Variants in PRR16 observed in about 807,000 individuals in gnomAD.
The protein encoded by PRR16 is proline rich 16, also known as protein Largen.
Under a neutral mutation model 18.2 loss-of-function variants are expected in PRR16, and 6 were observed. The observed-to-expected ratio is 0.33, with a 90% CI of 0.18 to 0.65. The LOEUF (loss-of-function observed/expected upper bound fraction) is 0.65, where lower values mean the gene tolerates loss of function less well. Among genes scored for constraint, PRR16 ranks in the 30% least tolerant of loss-of-function variants. PRR16 has a pLI of 0.74. For missense variants in PRR16, 412 were observed against 376.6 expected (o/e 1.09, Z -0.78); for synonymous variants, 151 against 147.8 (o/e 1.02, Z -0.16).
intron 1 of PRR16, among the ~76,000 whole-genome samples, chr5:120,673,957 GA>G (rs5870917): frequency 2.1e-5 from 3 of 145,968 alleles, no homozygotes; most frequent in African/African-American, 5.0e-5. Flanking sequence ...CTTTCTCAAA[GA>G]AAAAAAAAAA....
At chr5:120,586,459 C>G (rs1753446702) in intron 1 of PRR16, among the ~76,000 whole-genome samples, 1 of 152,062 alleles carries the variant, frequency 6.6e-6, no homozygotes, top group Non-Finnish European at 1.5e-5. Context: ...TGTGGCAACC[C>G]TGTGTCTAGC....
chr5:120,477,214 A>T (rs1749469793), intron 1 of PRR16, among the ~76,000 whole-genome samples: 1 of 151,988 alleles, frequency 6.6e-6, no homozygotes, highest in African/African-American at 2.4e-5. Flanking sequence ...TGTATCTCCA[A>T]CCCAAACCTT....
intron 1 of PRR16, among the ~76,000 whole-genome samples, chr5:120,634,793 GCAA>G (rs997670294): frequency 3.3e-5 from 5 of 151,876 alleles, no homozygotes; most frequent in African/African-American, 1.2e-4. Context: ...TGAAGCAACA[GCAA>G]CAACAAAAAT....
At chr5:120,627,423 C>T (rs1754903769) in intron 1 of PRR16, among the ~76,000 whole-genome samples, 1 of 151,962 alleles carries the variant, frequency 6.6e-6, no homozygotes, top group Non-Finnish European at 1.5e-5. Flanking sequence ...CTTTTGGCAG[C>T]ATATAGTAAA....
chr5:120,488,535 CTCTTT>C (rs1481671116), intron 1 of PRR16, among the ~76,000 whole-genome samples: 1 of 152,100 alleles, frequency 6.6e-6, no homozygotes, highest in Non-Finnish European at 1.5e-5. Flanking sequence ...TGATTCTTCT[CTCTTT>C]TCTTCTTTAT....
chr5:120,720,739 G>T, the PRR16 span, among the ~76,000 whole-genome samples: 41 of 152,144 alleles, frequency 2.7e-4, 1 homozygote, highest in Non-Finnish European at 4.4e-4. Flanking sequence ...ATATTTGTAT[G>T]TGTGTTCTAT....
chr5:120,733,012 A>G, the PRR16 span, among the ~76,000 whole-genome samples: 53 of 152,296 alleles, frequency 3.5e-4, no homozygotes, highest in African/African-American at 1.2e-3. Flanking sequence ...AACCTGACAA[A>G]ATGGAATGGA....
chr5:120,496,372 T>G (rs1434315009), intron 1 of PRR16, among the ~76,000 whole-genome samples: 1 of 152,128 alleles, frequency 6.6e-6, no homozygotes, highest in Non-Finnish European at 1.5e-5. Flanking sequence ...AATTATTAAT[T>G]CAATTTCCAT....
chr5:120,510,995 A>G (rs1750808532), intron 1 of PRR16, among the ~76,000 whole-genome samples: 1 of 152,198 alleles, frequency 6.6e-6, no homozygotes, highest in Non-Finnish European at 1.5e-5. Context: ...CAGCTTTGCC[A>G]TCTCAGAAAC....
At chr5:120,518,087 A>G (rs1258200628) in intron 1 of PRR16, among the ~76,000 whole-genome samples, 2 of 152,174 alleles carry the variant, frequency 1.3e-5, no homozygotes, top group African/African-American at 2.4e-5. Context: ...TCAGATGTCT[A>G]TGACCCGGAC....
chr5:120,531,717 A>G (rs1333448219), intron 1 of PRR16, among the ~76,000 whole-genome samples: 1 of 152,122 alleles, frequency 6.6e-6, no homozygotes, highest in Non-Finnish European at 1.5e-5. Flanking sequence ...CTAGATTGGC[A>G]TGCATTTGAT....
the PRR16 span, among the ~76,000 whole-genome samples, chr5:120,779,792 A>G: frequency 2.6e-5 from 4 of 152,168 alleles, no homozygotes; most frequent in Non-Finnish European, 5.9e-5. Context: ...ATTTCTTGGC[A>G]TATCTGCTAC....
chr5:120,715,459 G>A, the PRR16 span, among the ~76,000 whole-genome samples: 8 of 152,046 alleles, frequency 5.3e-5, no homozygotes, highest in African/African-American at 1.9e-4. Flanking sequence ...TGCTTCACAG[G>A]TGCATTCAAA....
intron 1 of PRR16, among the ~76,000 whole-genome samples, chr5:120,520,181 A>G (rs1392497892): frequency 6.6e-6 from 1 of 152,182 alleles, no homozygotes; most frequent in African/African-American, 2.4e-5. Context: ...GGATCACTTG[A>G]TGTCAGGCGT....
At chr5:120,638,877 T>C (rs1040077906) in intron 1 of PRR16, among the ~76,000 whole-genome samples, 10 of 152,112 alleles carry the variant, frequency 6.6e-5, no homozygotes, top group Admixed American at 3.3e-4. Flanking sequence ...CCCAATATAA[T>C]GAATCATCTA....
intron 1 of PRR16, among the ~76,000 whole-genome samples, chr5:120,623,824 G>T (rs190989288): frequency 6.6e-6 from 1 of 151,958 alleles, no homozygotes; most frequent in African/African-American, 2.4e-5. Flanking sequence ...AGTTAAATAC[G>T]TTTAGTCAGG....
At chr5:120,558,764 A>G (rs896792009) in intron 1 of PRR16, among the ~76,000 whole-genome samples, 1 of 151,980 alleles carries the variant, frequency 6.6e-6, no homozygotes, top group South Asian at 2.1e-4. Context: ...ATTCCCACCA[A>G]CAGTGTACCA....
rs149193567 is a variant in PRR16 at position 120,604,695 on chromosome 5, T to C, written c.160-81259T>C. On this transcript the variant is annotated intron_variant, in intron 1 of 1. Coordinates refer to ENST00000407149, the MANE Select transcript of PRR16 (RefSeq NM_001300783.2). ...TGTGGTGGAAGTTTCTGTGTTTAAC[T>C]CTCCCTTAAGGACCTCTTGTAAGGC... is the stretch of plus-strand genomic sequence containing the variant. 4.5e-4 allele frequency among the ~76,000 whole-genome samples: 68 copies of C among 152,250 alleles called. No homozygotes were observed. The East Asian group carries it at 0.012, about 26-fold the overall frequency.
intron 1 of PRR16, among the ~76,000 whole-genome samples, chr5:120,645,392 C>A (rs1755556825): frequency 6.7e-6 from 1 of 149,272 alleles, no homozygotes. Context: ...ATCCCCCCCC[C>A]ACACACACAC....
Sources: allele counts gnomAD v4.1 joint callset (sites outside exome capture counted in the v4.1 genomes callset), GRCh38; gene constraint gnomAD v4.1.1; transcripts MANE v1.5; gene names NCBI Gene and HGNC (gene_info 2026-07-23, HGNC 2026-07-21).